The following SLC44A5 variants were observed in gnomAD, a reference collection of about 807,000 sequenced individuals.
SLC44A5 encodes solute carrier family 44 member 5.
SLC44A5 carries 57 observed loss-of-function variants against 101.8 expected under a neutral mutation model. That is an observed-to-expected ratio of 0.56 (90% confidence interval 0.45 to 0.70). SLC44A5 has a LOEUF of 0.70. Among genes scored for constraint, SLC44A5 ranks in the 30% least tolerant of loss-of-function variants. The pLI is 0.00. For missense variants in SLC44A5, 737 were observed against 853.1 expected, an observed-to-expected ratio of 0.86 and a Z score of 1.70; for synonymous variants, 281 against 290.9, an observed-to-expected ratio of 0.97 and a Z score of 0.35.
At chr1:75,335,177 G>C (rs1657347881) in intron 4 of SLC44A5, among the ~76,000 whole-genome samples, 1 of 152,112 alleles carries the variant, frequency 6.6e-6, no homozygotes, top group Non-Finnish European at 1.5e-5. Flanking sequence ...TTCTCTAAAT[G>C]CTTGAATAAA....
At chr1:75,278,302 G>A (rs1312816030) in intron 5 of SLC44A5, among the ~76,000 whole-genome samples, 1 of 151,902 alleles carries the variant, frequency 6.6e-6, no homozygotes, top group African/African-American at 2.4e-5. Flanking sequence ...GTAGCTATCA[G>A]AAAATTTAAA....
At chr1:75,378,478 A>T (rs1660762898) in intron 3 of SLC44A5, among the ~76,000 whole-genome samples, 1 of 68,960 alleles carries the variant, frequency 1.5e-5, no homozygotes, top group Non-Finnish European at 2.4e-5. Context: ...CTTTAGAACC[A>T]TTTCAAACAG....
At chr1:75,626,328 C>A in the SLC44A5 span, among the ~76,000 whole-genome samples, 14 of 152,008 alleles carry the variant, frequency 9.2e-5, no homozygotes, top group African/African-American at 3.4e-4. Flanking sequence ...GTTATGGAAT[C>A]CAGCCAGAAT....
At chr1:75,626,972 A>T in the SLC44A5 span, among the ~76,000 whole-genome samples, 1 of 152,094 alleles carries the variant, frequency 6.6e-6, no homozygotes, top group Admixed American at 6.6e-5. Context: ...TGTTCTAGGC[A>T]CACTGGATTC....
chr1:75,249,226 C>A (rs1206553220), intron 7 of SLC44A5, among the ~76,000 whole-genome samples: 1 of 151,936 alleles, frequency 6.6e-6, no homozygotes. Context: ...AAAAATAAAG[C>A]AGATTTACAA....
At chr1:75,636,772 A>G in the SLC44A5 span, among the ~76,000 whole-genome samples, 1 of 152,136 alleles carries the variant, frequency 6.6e-6, no homozygotes, top group East Asian at 1.9e-4. Context: ...ATGAGTAGGA[A>G]TGATCAGTGT....
At chr1:75,409,279 A>T (rs1663115902) in intron 2 of SLC44A5, among the ~76,000 whole-genome samples, 1 of 152,310 alleles carries the variant, frequency 6.6e-6, no homozygotes, top group East Asian at 1.9e-4. Context: ...TAGTACCCTG[A>T]ATATATAACT....
rs144122744 is a variant in SLC44A5 at position 75,222,399 on chromosome 1, T to G, written c.1047A>C (p.Arg349=). ...VILMLIFLRN[R]IRVAIILLKE... Reference sequence around the variant, plus strand: ...TCAGCAGGATAATGGCGACTCGGATTCGATTCCTGAGGAAGATCAGCATGA... The same window carrying G: ...TCAGCAGGATAATGGCGACTCGGATGCGATTCCTGAGGAAGATCAGCATGA... Residue 349 remains arginine, a synonymous_variant, in exon 14 of 24, where the codon CGA becomes CGC. Coordinates refer to ENST00000370859, the MANE Select transcript of SLC44A5 (RefSeq NM_001130058.2). 81 of 1,613,866 alleles carry G rather than the reference T, an allele frequency of 5.0e-5. No homozygotes were observed. The African/African-American group carries it at 1.1e-3, about 21-fold the overall frequency.
the SLC44A5 span, chr1:75,641,503 A>G: frequency 6.8e-7 from 1 of 1,463,334 alleles, no homozygotes; most frequent in African/African-American, 1.4e-5. Context: ...AAATGTAAAC[A>G]TTGTGATCTT....
At chr1:75,499,579 T>C (rs866982596) in intron 2 of SLC44A5, among the ~76,000 whole-genome samples, 6 of 152,194 alleles carry the variant, frequency 3.9e-5, no homozygotes, top group Non-Finnish European at 8.8e-5. Context: ...TCAGAACATA[T>C]CCCCATTATT....
chr1:75,628,450 G>T, the SLC44A5 span, among the ~76,000 whole-genome samples: 14 of 152,048 alleles, frequency 9.2e-5, no homozygotes, highest in Admixed American at 9.2e-4. Flanking sequence ...CCTCTACCTT[G>T]CCTCTTTCTT....
intron 2 of SLC44A5, among the ~76,000 whole-genome samples, chr1:75,440,678 A>C (rs2101624906): frequency 6.6e-6 from 1 of 152,278 alleles, no homozygotes; most frequent in East Asian, 1.9e-4. Context: ...ACCAGCTGGG[A>C]AACTATTGCA....
intron 3 of SLC44A5, among the ~76,000 whole-genome samples, chr1:75,353,499 G>T (rs1341409051): frequency 6.6e-6 from 1 of 152,156 alleles, no homozygotes; most frequent in Non-Finnish European, 1.5e-5. Flanking sequence ...TCAGAACAGT[G>T]GTTCTGGATC....
chr1:75,672,542 C>T, the SLC44A5 span, among the ~76,000 whole-genome samples: 1 of 152,104 alleles, frequency 6.6e-6, no homozygotes, highest in Non-Finnish European at 1.5e-5. Flanking sequence ...ACAGCAATTC[C>T]TGGGCAAGTC....
intron 3 of SLC44A5, among the ~76,000 whole-genome samples, chr1:75,394,819 T>C (rs1171138711): frequency 6.6e-6 from 1 of 152,026 alleles, no homozygotes; most frequent in Admixed American, 6.6e-5. Flanking sequence ...TCCACCCAAT[T>C]GAAATCCAAG....
intron 3 of SLC44A5, among the ~76,000 whole-genome samples, chr1:75,395,258 T>G (rs1298196311): frequency 1.3e-5 from 2 of 152,114 alleles, no homozygotes; most frequent in Non-Finnish European, 2.9e-5. Context: ...GCAAAAAACA[T>G]TATTTTGACC....
chr1:75,487,465 G>A (rs537880333), intron 2 of SLC44A5, among the ~76,000 whole-genome samples: 63 of 152,308 alleles, frequency 4.1e-4, no homozygotes, highest in African/African-American at 1.4e-3. Flanking sequence ...AGAAAAGTGT[G>A]CATCACACAT....
At chr1:75,312,789 C>T (rs1655410480) in intron 4 of SLC44A5, among the ~76,000 whole-genome samples, 1 of 151,906 alleles carries the variant, frequency 6.6e-6, no homozygotes, top group Admixed American at 6.6e-5. Flanking sequence ...TGTGGAGGAG[C>T]GTGGACTTTT....
intron 4 of SLC44A5, among the ~76,000 whole-genome samples, chr1:75,312,771 G>A (rs1445542874): frequency 2.0e-5 from 3 of 151,952 alleles, no homozygotes; most frequent in Non-Finnish European, 4.4e-5. Context: ...TGACTGAATA[G>A]CCCTCAGTGT....
Sources: allele counts gnomAD v4.1 joint callset (sites outside exome capture counted in the v4.1 genomes callset), GRCh38; gene constraint gnomAD v4.1.1; transcripts MANE v1.5; gene names NCBI Gene and HGNC (gene_info 2026-07-23, HGNC 2026-07-21).